The following MAD1L1 variants were observed in gnomAD, a reference collection of about 807,000 sequenced individuals.
MAD1L1 encodes the protein mitotic arrest deficient 1 like 1.
MAD1L1 carries 95 observed loss-of-function variants against 96.9 expected under a neutral mutation model. The ratio of observed to expected loss-of-function variants is 0.98; its 90% CI spans 0.83 to 1.16. The LOEUF (loss-of-function observed/expected upper bound fraction) is 1.16. Ranked by LOEUF, MAD1L1 falls within the 50% of genes most tolerant of loss-of-function variation. The pLI is 0.00. For missense variants in MAD1L1, 1,007 were observed against 954.4 expected (o/e 1.06, Z -0.73); for synonymous variants, 473 against 396.6 (o/e 1.19, Z -2.29).
chr7:2,122,895 G>A (rs1788046913), intron 11 of MAD1L1, among the ~76,000 whole-genome samples: 1 of 152,228 alleles, frequency 6.6e-6, no homozygotes, highest in African/African-American at 2.4e-5. Flanking sequence ...TCCACCCAGC[G>A]CCCCTCCCAG....
At chr7:2,051,878 T>C (rs911072876) in intron 12 of MAD1L1, among the ~76,000 whole-genome samples, 1 of 151,090 alleles carries the variant, frequency 6.6e-6, no homozygotes, top group African/African-American at 2.4e-5. Flanking sequence ...GAGCAGCAGG[T>C]GCCGTGTCAG....
At chr7:1,940,831 C>T (rs189231947) in intron 16 of MAD1L1, among the ~76,000 whole-genome samples, 28 of 152,100 alleles carry the variant, frequency 1.8e-4, no homozygotes, top group African/African-American at 6.0e-4. Context: ...AGTTGAGGGG[C>T]TGCACAGAAG....
intron 17 of MAD1L1, among the ~76,000 whole-genome samples, chr7:1,914,034 G>A (rs1241117090): frequency 3.9e-5 from 6 of 152,064 alleles, no homozygotes; most frequent in Non-Finnish European, 7.4e-5. Flanking sequence ...CCCCCAGCAC[G>A]CCTGTCCACC....
At chr7:1,888,107 C>T (rs1367259005) in intron 18 of MAD1L1, among the ~76,000 whole-genome samples, 2 of 143,758 alleles carry the variant, frequency 1.4e-5, no homozygotes, top group African/African-American at 5.2e-5. Context: ...ATGGGGCTGC[C>T]TGTGCCTGTG....
At chr7:1,960,117 G>T (rs1249314432) in intron 15 of MAD1L1, among the ~76,000 whole-genome samples, 1 of 152,048 alleles carries the variant, frequency 6.6e-6, no homozygotes, top group Non-Finnish European at 1.5e-5. Flanking sequence ...AAGGTAGGCT[G>T]TGGTAAGTTA....
chr7:1,871,440 AACACCTGCCACGCTGAACCCAACAT>A (rs1785090860), intron 18 of MAD1L1, among the ~76,000 whole-genome samples: 1 of 146,202 alleles, frequency 6.8e-6, no homozygotes, highest in African/African-American at 2.5e-5. Flanking sequence ...AACCCACCGT[AACACCTGCCACGCTGAACCCAACAT>A]ATGCCTGCCA....
intron 11 of MAD1L1, among the ~76,000 whole-genome samples, chr7:2,144,861 C>T (rs1249246237): frequency 6.6e-6 from 1 of 152,144 alleles, no homozygotes; most frequent in Admixed American, 6.5e-5. Flanking sequence ...CCAGGCCAGG[C>T]TCCCCTACAC....
intron 17 of MAD1L1, among the ~76,000 whole-genome samples, chr7:1,912,281 T>G (rs1788067356): frequency 6.6e-6 from 1 of 151,990 alleles, no homozygotes; most frequent in Admixed American, 6.6e-5. Flanking sequence ...AGACAGCAAA[T>G]GGGGGCATGT....
chr7:2,007,694 A>T (rs1465319915), intron 13 of MAD1L1, among the ~76,000 whole-genome samples: 1 of 152,142 alleles, frequency 6.6e-6, no homozygotes, highest in Non-Finnish European at 1.5e-5. Context: ...CCGCCAAAAA[A>T]AGTTAAACCC....
rs111358556 is a variant in MAD1L1, at chr7:2,106,405, C to G, written c.1074-37067G>C. On this transcript the variant is annotated intron_variant, in intron 11 of 18. Transcript: ENST00000265854. Reference sequence around the variant, plus strand: ...CCATCCCTGGAGACGGCCATGGTCACTCACTCTCCCCCTTTCCCAGGCCCG... The same window carrying G: ...CCATCCCTGGAGACGGCCATGGTCAGTCACTCTCCCCCTTTCCCAGGCCCG... Among the ~76,000 whole-genome samples, 242 of 151,742 alleles carry G rather than the reference C, an allele frequency of 1.6e-3. 2 individuals are homozygous for G. The highest frequency in any genetic ancestry group is 5.4e-3 in the African/African-American group (221 of 41,308).
At position 1,980,509 on chromosome 7, in the gene MAD1L1, CTGAGACT is replaced by C. The variant is rs747739074; in HGVS notation, c.1442_1448del (p.Lys481SerfsTer21). 1 of 1,613,308 alleles carries C rather than the reference CTGAGACT, an allele frequency of 6.2e-7. No individual in the cohort carries two copies. The highest frequency in any genetic ancestry group is 8.5e-7 in the Non-Finnish European group (1 of 1,179,836). The stretch of plus-strand genomic sequence containing the variant: ...GGAAGCTCTGTTCGGCAGAGCTGGA[CTGAGACT>C]TCAGCATCTTCAGCTCCATCTCCAG... On this transcript the variant is annotated frameshift_variant, in exon 15 of 19. Transcript: ENST00000265854. LOFTEE classifies it high-confidence loss of function.
chr7:2,214,121 G>C (rs1201091331), intron 9 of MAD1L1, among the ~76,000 whole-genome samples: 1 of 152,216 alleles, frequency 6.6e-6, no homozygotes, highest in African/African-American at 2.4e-5. Flanking sequence ...ACTCATGTGA[G>C]CCTCACAGTC....
At chr7:2,065,688 C>T (rs1322045667) in intron 12 of MAD1L1, among the ~76,000 whole-genome samples, 1 of 152,158 alleles carries the variant, frequency 6.6e-6, no homozygotes, top group Non-Finnish European at 1.5e-5. Flanking sequence ...AGGGTGTCAC[C>T]ATGACAACCA....
At chr7:2,057,238 G>A (rs1244898618) in intron 12 of MAD1L1, among the ~76,000 whole-genome samples, 1 of 152,208 alleles carries the variant, frequency 6.6e-6, no homozygotes, top group Non-Finnish European at 1.5e-5. Flanking sequence ...TAAGAATCTG[G>A]GGAATGACCG....
intron 18 of MAD1L1, chr7:1,846,959 G>C: frequency 3.1e-6 from 1 of 324,054 alleles, no homozygotes; most frequent in Non-Finnish European, 6.0e-6. Flanking sequence ...CTTGCGGTGG[G>C]ACGGTCGCCT....
chr7:1,852,764 C>T (rs901385146), intron 18 of MAD1L1, among the ~76,000 whole-genome samples: 8 of 152,166 alleles, frequency 5.3e-5, no homozygotes, highest in African/African-American at 1.4e-4. Context: ...TGCTGTTCCC[C>T]TGCCTCCTGA....
intron 18 of MAD1L1, among the ~76,000 whole-genome samples, chr7:1,892,449 G>A (rs1476899667): frequency 2.0e-5 from 3 of 152,192 alleles, no homozygotes; most frequent in African/African-American, 7.2e-5. Flanking sequence ...GGGATTTCCA[G>A]ATTTTCAGGT....
intron 14 of MAD1L1, among the ~76,000 whole-genome samples, chr7:1,989,610 G>A (rs1327001890): frequency 6.6e-6 from 1 of 152,232 alleles, no homozygotes; most frequent in Non-Finnish European, 1.5e-5. Flanking sequence ...CTGAGCGCGA[G>A]CACAGACGTC....
At position 1,816,154 on chromosome 7, in the gene MAD1L1, C is replaced by G. The variant is rs766120951; in HGVS notation, c.2073G>C (p.Glu691Asp). ...EFSHTVGELI[E>D]VHLRRQDSIP... is the part of the protein sequence containing the mutation. ...TGCTGTCCTGGCGCCGCAGGTGCAC[C>G]TCGATGAGCTCGCCCACGGTGTGTG... The change falls in exon 19 of 19, where the codon GAG becomes GAC. Residue 691 changes from glutamate to aspartate, a missense_variant. Coordinates refer to ENST00000265854, the MANE Select transcript of MAD1L1 (RefSeq NM_001013836.2). The G allele has an allele frequency of 1.2e-6, 2 of 1,613,368 alleles. No homozygotes were observed. Among genetic ancestry groups the G allele is most frequent in the African/African-American group, 1.3e-5 (1 of 75,034 alleles).
Sources: allele counts gnomAD v4.1 joint callset (sites outside exome capture counted in the v4.1 genomes callset), GRCh38; gene constraint gnomAD v4.1.1; transcripts MANE v1.5; gene names NCBI Gene and HGNC (gene_info 2026-07-23, HGNC 2026-07-21).